The following ANKRD36 variants were observed in gnomAD, a reference collection of about 807,000 sequenced individuals.
ANKRD36 encodes ankyrin repeat domain 36, also known as ankyrin repeat domain-containing protein 36A.
In ANKRD36, 179 loss-of-function variants were observed where a neutral mutation model predicts 278.1. The observed-to-expected ratio is 0.64, with a 90% CI of 0.57 to 0.73. The LOEUF (loss-of-function observed/expected upper bound fraction) is 0.73, where lower values mean the gene tolerates loss of function less well. ANKRD36 is among the 30% of genes least tolerant of loss of function. ANKRD36 has a pLI of 0.00. For missense variants in ANKRD36, 1,159 were observed against 1,956.7 expected (o/e 0.59, Z 7.69); for synonymous variants, 320 against 641.1 (o/e 0.50, Z 7.57).
At chr2:97,163,749 G>C (rs1346599992) in intron 18 of ANKRD36, 1 of 275,220 alleles carries the variant, frequency 3.6e-6, no homozygotes, top group African/African-American at 2.3e-5. Flanking sequence ...CTAATTTTAC[G>C]CATTTTTAGT....
chr2:97,228,103 T>C (rs1311711979), intron 67 of ANKRD36, among the ~76,000 whole-genome samples: 1 of 152,106 alleles, frequency 6.6e-6, no homozygotes, highest in African/African-American at 2.4e-5. Flanking sequence ...TTCTCTTTTT[T>C]GGTTGTGTCT....
rs768768868 is a variant in ANKRD36 at position 97,209,864 on chromosome 2, C to G, written c.3359C>G (p.Ser1120Cys). Residue 1120 changes from serine to cysteine, a missense_variant, in exon 56 of 76, where the codon TCT (serine) becomes TGT (cysteine). Coordinates refer to ENST00000420699, the MANE Select transcript of ANKRD36 (RefSeq NM_001354587.1). ...AGAGAAAAAAAGGATGGAGAAAAAT[C>G]TAGGACAGGTAATTTTGAAAACAGA... Reference protein sequence around the residue: ...IAREKKDGEKSRTVSSPKQPA... With the variant: ...IAREKKDGEKCRTVSSPKQPA... 2.5e-6 allele frequency: 4 copies of G among 1,581,286 alleles called. No homozygotes were observed. Among genetic ancestry groups the G allele is most frequent in the Non-Finnish European group, 3.4e-6 (4 of 1,166,766 alleles).
At position 97,154,558 on chromosome 2, in the gene ANKRD36, C is replaced by T. The variant is rs1421366408; in HGVS notation, c.1194-117C>T. 4.5e-5 allele frequency: 34 copies of T among 762,770 alleles called. 4 individuals carry two copies. Among genetic ancestry groups the T allele is most frequent in the Non-Finnish European group, 6.0e-5 (29 of 482,422 alleles). 47.3% of individuals were successfully genotyped at this position (762,770 alleles called of 1,614,324 possible). On this transcript the variant is annotated intron_variant, in intron 14 of 75. Coordinates refer to ENST00000420699, the MANE Select transcript of ANKRD36 (RefSeq NM_001354587.1). ...ATTTAATATGCAGATAACTGAGTTT[C>T]CTCAGACTTTGTTTTACCATTTTTT...
intron 54 of ANKRD36, among the ~76,000 whole-genome samples, chr2:97,208,796 T>G (rs1368370476): frequency 6.8e-6 from 1 of 146,652 alleles, no homozygotes; most frequent in East Asian, 2.0e-4. Context: ...TTAATGTAAC[T>G]TCTTTAGAGA....
intron 66 of ANKRD36, among the ~76,000 whole-genome samples, chr2:97,221,265 T>C (rs1427926512): frequency 9.7e-6 from 1 of 103,458 alleles, no homozygotes; most frequent in East Asian, 3.2e-4. Context: ...TATAGCAGCA[T>C]GATTTATAGT....
intron 67 of ANKRD36, among the ~76,000 whole-genome samples, chr2:97,231,468 G>A (rs1388387160): frequency 4.6e-5 from 7 of 152,156 alleles, no homozygotes; most frequent in East Asian, 2.0e-4. Flanking sequence ...CTGGTGTGCC[G>A]TTTTTTAAGC....
intron 12 of ANKRD36, among the ~76,000 whole-genome samples, chr2:97,151,256 C>T (rs991483083): frequency 4.0e-5 from 6 of 151,872 alleles, no homozygotes; most frequent in Non-Finnish European, 8.8e-5. Context: ...TTACAGCTTT[C>T]TATTTAGTAG....
In ANKRD36 at chr2:97,207,376, A is replaced by T. The variant is rs1329581257; in HGVS notation, c.3164-435A>T. On this transcript the variant is annotated intron_variant, in intron 52 of 75. Coordinates refer to ENST00000420699, the MANE Select transcript of ANKRD36 (RefSeq NM_001354587.1). ...TGTGTGCCTTCTCAGTTATTGGGCA[A>T]GTTAAAGAGCATGATGAATGTTTGT... is the stretch of plus-strand genomic sequence containing the variant. Among the ~76,000 whole-genome samples the T allele has an allele frequency of 7.9e-5, 12 of 151,434 alleles. No homozygotes were observed. The Admixed American group carries it at 7.9e-4, about 10-fold the overall frequency.
chr2:97,165,245 C>T (rs764015382), intron 20 of ANKRD36, among the ~76,000 whole-genome samples: 6 of 152,114 alleles, frequency 3.9e-5, no homozygotes, highest in African/African-American at 1.2e-4. Context: ...AGCTGCAACT[C>T]GGCTTTTGTA....
chr2:97,219,896 A>G lies in ANKRD36; in HGVS notation c.3877+650A>G, dbSNP rs2066938371. ...TTAAAGAGATCAATTTTGATACTGT[A>G]AAATATTTGTTTTGCTTTAAAAGTC... On this transcript the variant is annotated intron_variant, in intron 66 of 75. Transcript: ENST00000420699. Among the ~76,000 whole-genome samples the G allele has an allele frequency of 2.7e-5, 4 of 145,936 alleles. No individual in the cohort carries two copies. In the South Asian group the frequency reaches 9.5e-4, roughly 35 times the overall value.
At position 97,144,603 on chromosome 2, in the gene ANKRD36, T is replaced by C; in HGVS notation, c.931-37T>C. 1.9e-6 allele frequency: 3 copies of C among 1,559,142 alleles called. No individual in the cohort carries two copies. In the South Asian group the frequency reaches 3.5e-5, roughly 18 times the overall value. On this transcript the variant is annotated intron_variant, in intron 9 of 75. Coordinates refer to ENST00000420699, the MANE Select transcript of ANKRD36 (RefSeq NM_001354587.1). ...TAACTGTATAGTCTATGGAATATACTGTAGGTATTGATTATTTTGTTTGAA... is the reference window on the plus strand; with the variant it reads ...TAACTGTATAGTCTATGGAATATACCGTAGGTATTGATTATTTTGTTTGAA...
intron 6 of ANKRD36, among the ~76,000 whole-genome samples, chr2:97,137,150 T>A (rs942348842): frequency 6.6e-6 from 1 of 150,414 alleles, no homozygotes; most frequent in Non-Finnish European, 1.5e-5. Context: ...AAGTTCATAA[T>A]TTTTTTTTTC....
At chr2:97,204,539 T>C (rs927183164) in intron 50 of ANKRD36, among the ~76,000 whole-genome samples, 38 of 151,334 alleles carry the variant, frequency 2.5e-4, no homozygotes, top group African/African-American at 8.5e-4. Flanking sequence ...AACATAATTT[T>C]GCTTTAATTC....
At chr2:97,129,810 G>A (rs1294738091) in intron 6 of ANKRD36, among the ~76,000 whole-genome samples, 1 of 152,006 alleles carries the variant, frequency 6.6e-6, no homozygotes, top group Admixed American at 6.6e-5. Context: ...TGAGGGCTCT[G>A]TTCTGTTCCA....
chr2:97,217,490 A>C (rs1489621872), intron 64 of ANKRD36, 118 bp downstream of exon 64: 2 of 1,420,488 alleles, frequency 1.4e-6, no homozygotes, highest in African/African-American at 2.9e-5. Context: ...AGCAGGCCTG[A>C]GATTGTGCAT....
At chr2:97,197,979 C>CG (rs2060252308) in intron 42 of ANKRD36, among the ~76,000 whole-genome samples, 1 of 151,852 alleles carries the variant, frequency 6.6e-6, no homozygotes, top group South Asian at 2.1e-4. Context: ...GTGAAGTGTA[C>CG]TTCAACTGAA....
intron 64 of ANKRD36, among the ~76,000 whole-genome samples, chr2:97,218,604 C>T (rs1182353526): frequency 6.6e-6 from 1 of 151,920 alleles, no homozygotes; most frequent in Non-Finnish European, 1.5e-5. Context: ...TGTACCTTCT[C>T]AGTTATCAGA....
intron 6 of ANKRD36, among the ~76,000 whole-genome samples, chr2:97,138,695 G>C (rs971071632): frequency 6.6e-5 from 10 of 151,910 alleles, no homozygotes; most frequent in African/African-American, 2.2e-4. Context: ...ATACTACAAG[G>C]CTACAGTAAT....
chr2:97,254,786 ATTTT>A (rs962978936), intron 75 of ANKRD36, among the ~76,000 whole-genome samples: 4,069 of 131,046 alleles, frequency 0.031, 1,135 homozygotes, highest in African/African-American at 0.12. Flanking sequence ...TGGGTTTTCC[ATTTT>A]GTTTAGCAAA....
Sources: allele counts gnomAD v4.1 joint callset (sites outside exome capture counted in the v4.1 genomes callset), GRCh38; gene constraint gnomAD v4.1.1; transcripts MANE v1.5; gene names NCBI Gene and HGNC (gene_info 2026-07-23, HGNC 2026-07-21).